Variants in ING5 observed in about 807,000 individuals in gnomAD.
ING5 encodes the protein inhibitor of growth family member 5, also known as inhibitor of growth protein 5.
In ING5, 17 loss-of-function variants were observed where a neutral mutation model predicts 37.4. That is an observed-to-expected ratio of 0.45 (90% CI 0.31 to 0.68). ING5 has a LOEUF of 0.68. Ranked by LOEUF, ING5 falls within the 30% of genes least tolerant of loss-of-function variation. ING5 has a pLI of 0.05. For synonymous variants in ING5, 123 were observed against 116.6 expected (o/e 1.06, Z -0.36); for missense variants, 233 against 311.9 (o/e 0.75, Z 1.91).
intron 5 of ING5, among the ~76,000 whole-genome samples, chr2:241,715,470 G>T (rs139709307): frequency 0.13 from 15,727 of 125,154 alleles, 1,068 homozygotes; most frequent in South Asian, 0.36. Flanking sequence ...TGCTGGAATA[G>T]AATTTTTTTT....
chr2:241,708,862 C>A (rs754924129), intron 2 of ING5, among the ~76,000 whole-genome samples: 41 of 151,676 alleles, frequency 2.7e-4, no homozygotes, highest in Non-Finnish European at 5.9e-5. Context: ...ACTGCTCTAC[C>A]GGAAAAAAAG....
At chr2:241,706,277 C>A (rs1246864215) in intron 2 of ING5, among the ~76,000 whole-genome samples, 1 of 152,074 alleles carries the variant, frequency 6.6e-6, no homozygotes, top group East Asian at 1.9e-4. Context: ...TGCCCTTGCT[C>A]TCCTGTTTTG....
chr2:241,725,145 G>T lies in ING5; in HGVS notation c.*114G>T. On this transcript the variant is annotated 3_prime_UTR_variant, in exon 8 of 8. Transcript: ENST00000313552. ...TTCGGTTGATACTTAGTAACTCCGT[G>T]GCCAGTTGAAGCGCTGGATGTTTCC... 1 of 1,139,812 alleles carries T rather than the reference G, an allele frequency of 8.8e-7. No individual in the cohort carries two copies. The allele number at this position is 1,139,812 out of a possible 1,614,324, so 70.6% of individuals were successfully genotyped here.
chr2:241,700,823 G>A (rs937356308), upstream of ING5, among the ~76,000 whole-genome samples: 2 of 151,204 alleles, frequency 1.3e-5, no homozygotes, highest in Admixed American at 1.3e-4. Context: ...ACATGATTTC[G>A]CCACGTTGGC....
chr2:241,707,611 A>T (rs1393123618), intron 2 of ING5, among the ~76,000 whole-genome samples: 3 of 152,068 alleles, frequency 2.0e-5, no homozygotes, highest in African/African-American at 7.3e-5. Context: ...GTTTTGCAAG[A>T]CTGAGATAGC....
At chr2:241,704,027 T>C (rs2069824926) in intron 1 of ING5, among the ~76,000 whole-genome samples, 1 of 152,186 alleles carries the variant, frequency 6.6e-6, no homozygotes, top group Admixed American at 6.6e-5. Flanking sequence ...GATTTTGGCT[T>C]GAGCCTTGGA....
At position 241,725,212 on chromosome 2, in the gene ING5, C is replaced by T; in HGVS notation, c.*181C>T. 3 of 672,030 alleles carry T rather than the reference C, an allele frequency of 4.5e-6. No individual in the cohort carries two copies. Among genetic ancestry groups the T allele is most frequent in the Middle Eastern group, 2.6e-4 (1 of 3,886 alleles). The allele number at this position is 672,030 out of a possible 1,614,324, so 41.6% of individuals were successfully genotyped here. A position where few individuals can be genotyped will look rare whatever the true frequency, so the allele number is the denominator to read the frequency against. ...AAAGCCTGTTCGCACAGAAGGGCGA[C>T]CTTGCAGGGACTCGCCGCCGCGACC... On this transcript the variant is annotated 3_prime_UTR_variant, in exon 8 of 8. Transcript: ENST00000313552.
chr2:241,692,888 G>C (rs982836120), intron 2 of ING5, among the ~76,000 whole-genome samples: 3 of 152,118 alleles, frequency 2.0e-5, no homozygotes, highest in African/African-American at 7.2e-5. Context: ...CCTGCTGTCT[G>C]AGCATCATGG....
At chr2:241,696,641 G>A (rs965623044) in intron 2 of ING5, among the ~76,000 whole-genome samples, 1 of 151,952 alleles carries the variant, frequency 6.6e-6, no homozygotes, top group Non-Finnish European at 1.5e-5. Context: ...TTAAAAATTA[G>A]CCAGGTGTCA....
intron 1 of ING5, among the ~76,000 whole-genome samples, chr2:241,688,377 G>T (rs1387673887): frequency 2.0e-5 from 3 of 152,300 alleles, no homozygotes; most frequent in Non-Finnish European, 2.9e-5. Context: ...GTTTGCATTG[G>T]TTTTTTCCCC....
intron 2 of ING5, among the ~76,000 whole-genome samples, chr2:241,694,888 C>T (rs1321445707): frequency 5.3e-5 from 3 of 56,948 alleles, no homozygotes; most frequent in Non-Finnish European, 6.8e-5. Flanking sequence ...GGCTTGGTGG[C>T]GGGCGCCTGT....
At chr2:241,705,310 C>T (rs192663857) in intron 2 of ING5, among the ~76,000 whole-genome samples, 5,308 of 151,806 alleles carry the variant, frequency 0.035, 141 homozygotes, top group Middle Eastern at 0.075. Context: ...GATCTCCTCA[C>T]CTCATGATCT....
rs897719387 is a variant in ING5 at position 241,725,264 on chromosome 2, C to A, written c.*233C>A. On this transcript the variant is annotated 3_prime_UTR_variant, in exon 8 of 8. Coordinates refer to ENST00000313552, the MANE Select transcript of ING5 (RefSeq NM_032329.6). ...CAGTGTGGCTTTTACAGGACTCCCC[C>A]CGAGCATCAGCAGGGACCCCGGCGG... 30 of 553,806 alleles carry A rather than the reference C, an allele frequency of 5.4e-5. No homozygotes were observed. The highest frequency in any genetic ancestry group is 8.4e-5 in the Non-Finnish European group (26 of 307,856). 34.3% of individuals were successfully genotyped at this position (553,806 alleles called of 1,614,324 possible).
At position 241,712,080 on chromosome 2, in the gene ING5, C is replaced by T; in HGVS notation, c.482+9C>T. On this transcript the variant is annotated intron_variant, in intron 5 of 7. Coordinates refer to ENST00000313552, the MANE Select transcript of ING5 (RefSeq NM_032329.6). The stretch of plus-strand genomic sequence containing the variant: ...AAGAAGCACAAAGGAGGGTAAGAGG[C>T]TTTCCCCTCTTTTTCCCAAAAGAAC... 1 of 1,577,088 alleles carries T rather than the reference C, an allele frequency of 6.3e-7. No individual in the cohort carries two copies. The highest frequency in any genetic ancestry group is 8.6e-7 in the Non-Finnish European group (1 of 1,159,988).
At chr2:241,705,987 T>C (rs778710145) in intron 2 of ING5, among the ~76,000 whole-genome samples, 41 of 152,144 alleles carry the variant, frequency 2.7e-4, no homozygotes, top group Non-Finnish European at 4.7e-4. Flanking sequence ...TGGAATAACT[T>C]TGTGTATTTC....
upstream of ING5, among the ~76,000 whole-genome samples, chr2:241,698,082 CAAAA>C (rs138451940): frequency 1.2e-5 from 1 of 84,634 alleles, no homozygotes; most frequent in Non-Finnish European, 2.3e-5. Context: ...GGCTCCATCT[CAAAA>C]AAAAAAAAAA....
At chr2:241,720,711 G>C in intron 5 of ING5, 1 of 985,638 alleles carries the variant, frequency 1.0e-6, no homozygotes, top group Non-Finnish European at 1.2e-6. Context: ...CCACACCCTG[G>C]GGAGTTAGCA....
chr2:241,698,082 C>CAAA (rs138451940), upstream of ING5, among the ~76,000 whole-genome samples: 8,951 of 84,310 alleles, frequency 0.11, 429 homozygotes, highest in East Asian at 0.15. Context: ...GGCTCCATCT[C>CAAA]AAAAAAAAAA....
At chr2:241,690,617 G>T in exon 2 of ING5, 1 of 398,616 alleles carries the variant, frequency 2.5e-6, no homozygotes, top group East Asian at 3.6e-5. Flanking sequence ...AGCAATGGGA[G>T]CAAGAGTCAC....
Sources: gnomAD v4.1 joint callset for allele counts (sites outside exome capture counted in the v4.1 genomes callset) on GRCh38, gnomAD v4.1.1 for gene constraint, MANE v1.5 for transcripts, NCBI Gene and HGNC (gene_info 2026-07-23, HGNC 2026-07-21) for gene names.